SLIT3: variants seen among roughly 807,000 people sequenced by gnomAD.
SLIT3 encodes slit homolog 3 protein.
SLIT3 carries 68 observed loss-of-function variants against 184.0 expected under a neutral mutation model. That is an observed-to-expected ratio of 0.37 (90% CI 0.30 to 0.45). SLIT3 has a LOEUF of 0.45. Ranked by LOEUF, SLIT3 falls within the 20% of genes least tolerant of loss-of-function variation. SLIT3 has a pLI of 1.00. For missense variants in SLIT3, 1,707 were observed against 2,026.0 expected, an observed-to-expected ratio of 0.84 and a Z score of 3.02; for synonymous variants, 831 against 828.6, an observed-to-expected ratio of 1.00 and a Z score of -0.05.
intron 5 of SLIT3, among the ~76,000 whole-genome samples, chr5:168,846,143 AACAG>A (rs1758455369): frequency 6.6e-6 from 1 of 152,372 alleles, no homozygotes; most frequent in South Asian, 2.1e-4. Flanking sequence ...CGTGCATTAC[AACAG>A]ACAGACTCTG....
intron 4 of SLIT3, among the ~76,000 whole-genome samples, chr5:168,950,037 C>G (rs2113236265): frequency 6.6e-6 from 1 of 152,254 alleles, no homozygotes; most frequent in South Asian, 2.1e-4. Flanking sequence ...CTGCTGTGGT[C>G]TAAATATTTA....
chr5:168,968,169 G>A (rs914918736), intron 4 of SLIT3, among the ~76,000 whole-genome samples: 6 of 152,032 alleles, frequency 3.9e-5, no homozygotes, highest in African/African-American at 9.7e-5. Flanking sequence ...CTGCTTTCCC[G>A]GGTCAGCAAG....
chr5:168,853,765 G>A (rs1758758197), intron 5 of SLIT3, among the ~76,000 whole-genome samples: 1 of 152,156 alleles, frequency 6.6e-6, no homozygotes, highest in Admixed American at 6.5e-5. Context: ...AGACTCCTTA[G>A]CATGACATTG....
intron 4 of SLIT3, among the ~76,000 whole-genome samples, chr5:168,911,698 G>A (rs890869467): frequency 2.0e-5 from 3 of 152,146 alleles, no homozygotes; most frequent in Admixed American, 6.5e-5. Context: ...GGATCATAGC[G>A]GGAAAGCCAG....
intron 20 of SLIT3, among the ~76,000 whole-genome samples, chr5:168,744,060 C>T (rs570329166): frequency 9.2e-5 from 14 of 152,226 alleles, no homozygotes; most frequent in African/African-American, 1.7e-4. Context: ...GAATCCGGGG[C>T]GGGTGGATCA....
chr5:169,210,286 T>C (rs10057639), intron 3 of SLIT3, among the ~76,000 whole-genome samples: 10,478 of 152,172 alleles, frequency 0.069, 450 homozygotes, highest in South Asian at 0.12. Context: ...AGTTGTCCAA[T>C]CTCTCAAGAT....
intron 5 of SLIT3, 141 bp from the exon 6 acceptor site, chr5:168,844,796 G>A: frequency 1.5e-6 from 1 of 661,314 alleles, no homozygotes; most frequent in Non-Finnish European, 2.7e-6. Flanking sequence ...GAGCCAGCCT[G>A]TCTGCCACGC....
intron 20 of SLIT3, among the ~76,000 whole-genome samples, chr5:168,743,152 G>A (rs1169279476): frequency 3.3e-5 from 5 of 152,212 alleles, no homozygotes; most frequent in African/African-American, 4.8e-5. Context: ...CAACTCTGGA[G>A]GAGTCTGGGT....
intron 3 of SLIT3, among the ~76,000 whole-genome samples, chr5:169,235,840 C>T (rs1425034831): frequency 6.6e-6 from 1 of 152,196 alleles, no homozygotes; most frequent in Admixed American, 6.5e-5. Flanking sequence ...ATTTTCATTG[C>T]ATCATATCGA....
intron 3 of SLIT3, among the ~76,000 whole-genome samples, chr5:169,231,444 AATG>A (rs1765000305): frequency 6.6e-6 from 1 of 152,130 alleles, no homozygotes; most frequent in African/African-American, 2.4e-5. Context: ...AGTTTACACA[AATG>A]GAATCAGGTA....
intron 5 of SLIT3, among the ~76,000 whole-genome samples, chr5:168,864,995 C>T (rs985841182): frequency 1.3e-5 from 2 of 151,870 alleles, no homozygotes; most frequent in East Asian, 1.9e-4. Flanking sequence ...TGGTGAAACC[C>T]CATCTCTACT....
At chr5:169,289,079 T>G (rs1282506138) in intron 1 of SLIT3, among the ~76,000 whole-genome samples, 3 of 152,200 alleles carry the variant, frequency 2.0e-5, no homozygotes, top group Non-Finnish European at 4.4e-5. Flanking sequence ...CCCCCTGAGA[T>G]GAGTGTTATT....
chr5:168,906,991 G>C (rs1320246714), intron 4 of SLIT3, among the ~76,000 whole-genome samples: 1 of 152,052 alleles, frequency 6.6e-6, no homozygotes, highest in Non-Finnish European at 1.5e-5. Flanking sequence ...CTCCCGAGTA[G>C]CTGGGACTAC....
chr5:168,671,214 G>A lies in SLIT3; in HGVS notation c.4111C>T (p.Pro1371Ser). ...GPLCDQEARD[P>S]CLGHRCHHGK... The stretch of plus-strand genomic sequence containing the variant: ...GACACTGACCTGTGGCCGAGGCAGG[G>A]GTCCCGGGCCTCCTGATCGCAGAGT... The change falls in exon 34 of 36, where the codon CCC becomes TCC. Residue 1371 changes from proline (P) to serine (S), a missense_variant. By Grantham distance (74) the Pro-to-Ser change is moderately conservative. Coordinates refer to ENST00000519560, the MANE Select transcript of SLIT3 (RefSeq NM_003062.4). 1 of 1,608,544 alleles carries A rather than the reference G, an allele frequency of 6.2e-7. No individual in the cohort carries two copies. The highest frequency in any genetic ancestry group is 8.5e-7 in the Non-Finnish European group (1 of 1,176,534).
At chr5:168,733,430 A>C (rs1763344905) in intron 20 of SLIT3, among the ~76,000 whole-genome samples, 1 of 152,200 alleles carries the variant, frequency 6.6e-6, no homozygotes, top group Admixed American at 6.5e-5. Context: ...CAGCAACACC[A>C]CTACTGGGTA....
In SLIT3 at chr5:168,669,835, C is replaced by G. The variant is rs145671500; in HGVS notation, c.4284G>C (p.Gly1428=). The G allele has an allele frequency of 6.2e-7, 1 of 1,614,146 alleles. No homozygotes were observed. The highest frequency in any genetic ancestry group is 1.3e-5 in the African/African-American group (1 of 75,044). Residue 1428 remains glycine, a synonymous_variant, in exon 35 of 36, where the codon GGG becomes GGC. Coordinates refer to ENST00000519560, the MANE Select transcript of SLIT3 (RefSeq NM_003062.4). ...CGGGCTGGCACAGGCAGTAGGGCTC[C>G]CCTTGGTCTGAGATGTGGCACTGCC... ...HHGQCHISDQ[G]EPYCLCQPGF...
chr5:169,216,074 C>T (rs932695386), intron 3 of SLIT3, among the ~76,000 whole-genome samples: 3 of 152,156 alleles, frequency 2.0e-5, no homozygotes, highest in African/African-American at 7.2e-5. Context: ...TTGGCCAATT[C>T]CTCTTTTCCT....
chr5:169,247,143 G>A (rs569761544), intron 2 of SLIT3, among the ~76,000 whole-genome samples: 5 of 151,290 alleles, frequency 3.3e-5, no homozygotes, highest in Admixed American at 2.6e-4. Flanking sequence ...TTGAACCCGG[G>A]AGGTGGAGGT....
intron 4 of SLIT3, among the ~76,000 whole-genome samples, chr5:169,167,737 G>A (rs549214961): frequency 6.6e-6 from 1 of 152,176 alleles, no homozygotes; most frequent in East Asian, 1.9e-4. Flanking sequence ...CTGGCTTCTG[G>A]TACCTGAACT....
Sources: allele counts gnomAD v4.1 joint callset (sites outside exome capture counted in the v4.1 genomes callset), GRCh38; gene constraint gnomAD v4.1.1; transcripts MANE v1.5; gene names NCBI Gene and HGNC (gene_info 2026-07-23, HGNC 2026-07-21).